The following ROR1 variants were observed in gnomAD, a reference collection of about 807,000 sequenced individuals.
The protein encoded by ROR1 is ROR family WNT receptor 1, also known as inactive tyrosine-protein kinase transmembrane receptor ROR1.
In ROR1, 19 loss-of-function variants were observed where a neutral mutation model predicts 78.8. The ratio of observed to expected loss-of-function variants is 0.24; its 90% CI spans 0.17 to 0.35. ROR1 has a LOEUF of 0.35. Among genes scored for constraint, ROR1 ranks in the 10% least tolerant of loss-of-function variants. The probability of loss-of-function intolerance (pLI) is 1.00; values close to 1 mark genes in which losing one functional copy is unlikely to be tolerated. For missense variants in ROR1, 917 were observed against 1,177.8 expected (o/e 0.78, Z 3.24); for synonymous variants, 386 against 433.6 (o/e 0.89, Z 1.36).
chr1:63,943,271 A>T (rs1296995863), intron 1 of ROR1, among the ~76,000 whole-genome samples: 1 of 152,082 alleles, frequency 6.6e-6, no homozygotes, highest in Non-Finnish European at 1.5e-5. Context: ...GATGATCCCA[A>T]GGCTGCTTGT....
chr1:63,978,945 C>G (rs995468669), intron 1 of ROR1, among the ~76,000 whole-genome samples: 6 of 152,198 alleles, frequency 3.9e-5, no homozygotes, highest in African/African-American at 1.4e-4. Flanking sequence ...AGGCCGAAGA[C>G]CTGGGAAAGA....
intron 1 of ROR1, among the ~76,000 whole-genome samples, chr1:63,810,155 T>C (rs376200533): frequency 2.0e-5 from 3 of 152,202 alleles, no homozygotes; most frequent in Non-Finnish European, 4.4e-5. Flanking sequence ...TTAGTGCATA[T>C]GTTCATTTTA....
At chr1:63,869,762 G>A (rs75961325) in intron 1 of ROR1, among the ~76,000 whole-genome samples, 3,130 of 152,292 alleles carry the variant, frequency 0.021, 106 homozygotes, top group African/African-American at 0.07. Context: ...TTGAGCTCCT[G>A]GTAGAGGCAG....
chr1:63,774,477 G>A lies in ROR1; in HGVS notation c.60G>A (p.Leu20=), dbSNP rs923420517. 6 of 1,159,280 alleles carry A rather than the reference G, an allele frequency of 5.2e-6. No homozygotes were observed. The African/African-American group carries it at 8.2e-5, about 16-fold the overall frequency. 71.8% of individuals were successfully genotyped at this position (1,159,280 alleles called of 1,614,324 possible). Residue 20 remains leucine, a synonymous_variant, in exon 1 of 9, where the codon CTG becomes CTA. Coordinates refer to ENST00000371079, the MANE Select transcript of ROR1 (RefSeq NM_005012.4). This position sits in a 1 kb window ranked among gnomAD's most constrained non-coding sequence, Gnocchi z 5.7. The part of the protein sequence containing the change: ...RPPLLALLAA[L]LLAARGAAAQ... Reference sequence around the variant, plus strand: ...CGCTCCTGGCGCTGCTGGCCGCGCTGCTGCTGGCCGCACGCGGGGCTGCTG... The same window carrying A: ...CGCTCCTGGCGCTGCTGGCCGCGCTACTGCTGGCCGCACGCGGGGCTGCTG...
At chr1:63,949,414 A>G (rs1173585158) in intron 1 of ROR1, among the ~76,000 whole-genome samples, 2 of 152,130 alleles carry the variant, frequency 1.3e-5, no homozygotes, top group African/African-American at 4.8e-5. Flanking sequence ...CTGGCTTGGG[A>G]TAGGCAGGAG....
intron 1 of ROR1, among the ~76,000 whole-genome samples, chr1:63,869,312 A>G (rs1004947058): frequency 6.6e-6 from 1 of 152,238 alleles, no homozygotes; most frequent in Non-Finnish European, 1.5e-5. Context: ...GGTCAAAGAC[A>G]CGCTGCTCCT....
At chr1:64,124,369 T>C (rs1648642270) in intron 4 of ROR1, among the ~76,000 whole-genome samples, 1 of 152,224 alleles carries the variant, frequency 6.6e-6, no homozygotes. Flanking sequence ...GCTTTGCCTT[T>C]CTTTTTCTCC....
chr1:64,062,222 G>A (rs1646923128), intron 4 of ROR1, among the ~76,000 whole-genome samples: 1 of 152,332 alleles, frequency 6.6e-6, no homozygotes, highest in South Asian at 2.1e-4. Flanking sequence ...GTTTTGAATT[G>A]AATGAAAGGA....
intron 1 of ROR1, among the ~76,000 whole-genome samples, chr1:63,877,663 C>G (rs1019001745): frequency 6.6e-6 from 1 of 151,692 alleles, no homozygotes; most frequent in Non-Finnish European, 1.5e-5. Flanking sequence ...TTACAGCAGG[C>G]CGGAGGAGAT....
At chr1:63,843,149 T>G in intron 1 of ROR1, 5 of 868,290 alleles carry the variant, frequency 5.8e-6, no homozygotes, top group Non-Finnish European at 7.5e-6. Flanking sequence ...CGAGGGCAGA[T>G]GTGGGGCTGC....
intron 2 of ROR1, among the ~76,000 whole-genome samples, chr1:64,011,527 A>T (rs533114546): frequency 3.9e-5 from 6 of 152,358 alleles, no homozygotes; most frequent in Admixed American, 3.9e-4. Flanking sequence ...CCAGCAGTCT[A>T]GAACCCAGCC....
intron 1 of ROR1, among the ~76,000 whole-genome samples, chr1:63,788,101 A>T (rs1419987993): frequency 6.6e-6 from 1 of 152,160 alleles, no homozygotes; most frequent in Non-Finnish European, 1.5e-5. Context: ...GGGTTTCCTT[A>T]TCTGAGCCAG....
At chr1:64,143,769 G>A (rs923195205) in intron 7 of ROR1, among the ~76,000 whole-genome samples, 24 of 152,202 alleles carry the variant, frequency 1.6e-4, no homozygotes, top group African/African-American at 4.6e-4. Flanking sequence ...AAAAGGGAGA[G>A]TAGCAGAAGA....
chr1:63,794,971 T>C (rs868761155), intron 1 of ROR1, among the ~76,000 whole-genome samples: 1 of 151,614 alleles, frequency 6.6e-6, no homozygotes, highest in African/African-American at 2.4e-5. Context: ...TTTTGGTACA[T>C]GCCTTAAGAG....
At chr1:63,929,410 A>C (rs1236534203) in intron 1 of ROR1, among the ~76,000 whole-genome samples, 5 of 152,024 alleles carry the variant, frequency 3.3e-5, no homozygotes, top group African/African-American at 9.7e-5. Context: ...GAGTTCTCCT[A>C]GCAGAGTTTC....
At chr1:64,160,805 T>A (rs1301534668) in intron 8 of ROR1, among the ~76,000 whole-genome samples, 1 of 152,196 alleles carries the variant, frequency 6.6e-6, no homozygotes, top group African/African-American at 2.4e-5. Context: ...TGGTAAATGT[T>A]GAGAAGTCTT....
At chr1:64,068,974 A>C (rs1450013265) in intron 4 of ROR1, among the ~76,000 whole-genome samples, 4 of 152,196 alleles carry the variant, frequency 2.6e-5, no homozygotes, top group African/African-American at 4.8e-5. Flanking sequence ...TTTTATTTTT[A>C]TATTCTATAA....
intron 7 of ROR1, among the ~76,000 whole-genome samples, chr1:64,146,459 G>C (rs544533212): frequency 2.6e-4 from 40 of 152,336 alleles, no homozygotes; most frequent in Admixed American, 7.2e-4. Flanking sequence ...CTGGGCGATA[G>C]AGCGAGACTC....
At position 64,121,815 on chromosome 1, in the gene ROR1, A is replaced by C. The variant is rs183186466; in HGVS notation, c.483-15554A>C. Among the ~76,000 whole-genome samples, 190 of 152,288 alleles carry C rather than the reference A, an allele frequency of 1.2e-3. 1 individual carries two copies. The South Asian group carries it at 0.016, about 13-fold the overall frequency. ...GCACTCAGTATCTGCAGAATGAACC[A>C]ATAGATCTACCTCTGCCTCTTTTCC... is the stretch of plus-strand genomic sequence containing the variant. On this transcript the variant is annotated intron_variant, in intron 4 of 8. Coordinates refer to ENST00000371079, the MANE Select transcript of ROR1 (RefSeq NM_005012.4).
Sources: gnomAD v4.1 joint callset for allele counts (sites outside exome capture counted in the v4.1 genomes callset) on GRCh38, gnomAD v4.1.1 for gene constraint, Gnocchi (gnomAD v3.1) non-coding constraint, MANE v1.5 for transcripts, NCBI Gene and HGNC (gene_info 2026-07-23, HGNC 2026-07-21) for gene names.